The following MRTFA variants were observed in gnomAD, a reference collection of about 807,000 sequenced individuals.
MRTFA encodes the protein myocardin-related transcription factor A.
A neutral mutation model predicts 83.5 loss-of-function variants in MRTFA; 20 were observed. That is an observed-to-expected ratio of 0.24 (90% CI 0.17 to 0.35). MRTFA has a LOEUF of 0.35. MRTFA is among the 10% of genes least tolerant of loss of function. The pLI, the probability that MRTFA is intolerant of heterozygous loss-of-function variation, is 1.00. For synonymous variants in MRTFA, 659 were observed against 541.2 expected, an observed-to-expected ratio of 1.22 and a Z score of -3.02; for missense variants, 1,200 against 1,224.7, an observed-to-expected ratio of 0.98 and a Z score of 0.30.
chr22:40,502,889 G>C, intron 3 of MRTFA, among the ~76,000 whole-genome samples: 1 of 152,202 alleles, frequency 6.6e-6, no homozygotes, highest in Non-Finnish European at 1.5e-5. Context: ...GTCCTCTGTA[G>C]ATTAACTGTC....
At chr22:40,432,076 T>C (rs528920091) in intron 5 of MRTFA, among the ~76,000 whole-genome samples, 2 of 152,202 alleles carry the variant, frequency 1.3e-5, no homozygotes, top group East Asian at 1.9e-4. Flanking sequence ...TGAAACCCTG[T>C]CTCTACTAAA....
At chr22:40,465,243 CT>C (rs2053793547) in intron 3 of MRTFA, among the ~76,000 whole-genome samples, 1 of 152,124 alleles carries the variant, frequency 6.6e-6, no homozygotes, top group Non-Finnish European at 1.5e-5. Flanking sequence ...TTATAAGTTC[CT>C]GGAGAGAAGA....
chr22:40,482,014 C>G (rs1016589673), intron 3 of MRTFA, among the ~76,000 whole-genome samples: 1 of 149,990 alleles, frequency 6.7e-6, no homozygotes, highest in Non-Finnish European at 1.5e-5. Flanking sequence ...GAGCCGAGAT[C>G]GCACCACTGC....
rs750511313 is a variant in MRTFA, at chr22:40,419,225, C to T, written c.1513G>A (p.Glu505Lys). The stretch of plus-strand genomic sequence containing the variant: ...GCCGCTGGGAAGGCTACCACCACCT[C>T]GCCAGCCTTGTGCAGGATAGAGGTG... The change falls in exon 12 of 15, where the codon GAG becomes AAG. Residue 505 changes from glutamate (E) to lysine (K), a missense_variant. By Grantham distance (56) the Glu-to-Lys change is moderately conservative (BLOSUM62 1). Around this residue, in one of 2 missense-constraint regions of MRTFA, gnomAD observed 1,107 missense variants for 1,041.8 expected, o/e 1.06. Coordinates refer to ENST00000355630, the MANE Select transcript of MRTFA (RefSeq NM_020831.6). 12 of 1,605,436 alleles carry T rather than the reference C, an allele frequency of 7.5e-6. No homozygotes were observed. The highest frequency in any genetic ancestry group is 5.4e-5 in the African/African-American group (4 of 74,696).
chr22:40,533,861 C>T (rs1266399199), intron 3 of MRTFA: 1 of 365,546 alleles, frequency 2.7e-6, no homozygotes, highest in Admixed American at 4.6e-5. Context: ...AAAAGCTCTC[C>T]AGTTAAGACA....
chr22:40,507,972 CAAAAAAAA>C (rs11315930), intron 3 of MRTFA, among the ~76,000 whole-genome samples: 4 of 37,510 alleles, frequency 1.1e-4, no homozygotes, highest in Admixed American at 4.7e-4. Context: ...GACTCCACCT[CAAAAAAAA>C]AAAAAAAAAA....
intron 3 of MRTFA, among the ~76,000 whole-genome samples, chr22:40,497,520 C>A (rs943557509): frequency 1.3e-5 from 2 of 151,910 alleles, no homozygotes; most frequent in African/African-American, 2.4e-5. Context: ...TTTGGGAGGC[C>A]AAAACAGGTG....
At chr22:40,504,680 T>G (rs1357223488) in intron 3 of MRTFA, among the ~76,000 whole-genome samples, 1 of 152,222 alleles carries the variant, frequency 6.6e-6, no homozygotes, top group African/African-American at 2.4e-5. Context: ...CAGTTACTTA[T>G]GTAAGTGAGA....
intron 4 of MRTFA, among the ~76,000 whole-genome samples, chr22:40,443,151 C>T (rs909270478): frequency 6.6e-6 from 1 of 152,062 alleles, no homozygotes; most frequent in Non-Finnish European, 1.5e-5. Flanking sequence ...CCTCAGGAGG[C>T]TGAGGCAGGA....
intron 3 of MRTFA, among the ~76,000 whole-genome samples, chr22:40,489,270 A>T (rs1461268687): frequency 6.6e-6 from 1 of 152,164 alleles, no homozygotes; most frequent in East Asian, 1.9e-4. Context: ...TTTGAGGCAA[A>T]ATCTGTTTCT....
chr22:40,448,063 A>C (rs2053414998), intron 4 of MRTFA, among the ~76,000 whole-genome samples: 1 of 152,132 alleles, frequency 6.6e-6, no homozygotes, highest in South Asian at 2.1e-4. Context: ...TGTAATCCCA[A>C]CACTTTGGGA....
intron 3 of MRTFA, among the ~76,000 whole-genome samples, chr22:40,485,305 A>C (rs1327017051): frequency 6.6e-6 from 1 of 152,202 alleles, no homozygotes; most frequent in Non-Finnish European, 1.5e-5. Flanking sequence ...CAGAAAAATG[A>C]ATTTGATTTG....
intron 3 of MRTFA, among the ~76,000 whole-genome samples, chr22:40,502,052 C>G (rs1313072399): frequency 7.3e-6 from 1 of 136,898 alleles, no homozygotes; most frequent in African/African-American, 2.8e-5. Flanking sequence ...ACCTCCCTCC[C>G]GGACGGGGTG....
intron 2 of MRTFA, among the ~76,000 whole-genome samples, chr22:40,589,163 C>T (rs948224581): frequency 2.6e-5 from 4 of 151,992 alleles, no homozygotes; most frequent in Non-Finnish European, 5.9e-5. Context: ...ATCTAAATCT[C>T]CCCCCAAGAT....
chr22:40,535,366 C>T (rs12157315), intron 3 of MRTFA, among the ~76,000 whole-genome samples: 94,486 of 121,964 alleles, frequency 0.77, 34,904 homozygotes, highest in East Asian at 0.89. Context: ...TTTTTTTTTT[C>T]TTTTTGAGAC....
At chr22:40,577,807 T>A (rs1208975768) in intron 2 of MRTFA, among the ~76,000 whole-genome samples, 1 of 151,330 alleles carries the variant, frequency 6.6e-6, no homozygotes, top group Non-Finnish European at 1.5e-5. Context: ...GGTTTCTCCA[T>A]GTTGGTCAGG....
chr22:40,583,051 A>T (rs1417857943), intron 2 of MRTFA, among the ~76,000 whole-genome samples: 2 of 152,218 alleles, frequency 1.3e-5, no homozygotes, highest in Admixed American at 1.3e-4. Flanking sequence ...AGTCTTTAAC[A>T]AATGGAGCTA....
chr22:40,495,757 C>CAA (rs35652948), intron 3 of MRTFA, among the ~76,000 whole-genome samples: 11 of 70,610 alleles, frequency 1.6e-4, no homozygotes, highest in African/African-American at 2.7e-4. Flanking sequence ...GACTCCATCT[C>CAA]AAAAAAAAAA....
intron 1 of MRTFA, among the ~76,000 whole-genome samples, chr22:40,636,138 C>T (rs963345051): frequency 1.3e-5 from 2 of 152,214 alleles, no homozygotes; most frequent in African/African-American, 4.8e-5. Flanking sequence ...GCCGACACCC[C>T]GTCCCTGCAA....
Sources: gnomAD v4.1 joint callset for allele counts (sites outside exome capture counted in the v4.1 genomes callset) on GRCh38, gnomAD v4.1.1 for gene constraint, gnomAD v4.1.1 regional missense constraint, MANE v1.5 for transcripts, NCBI Gene and HGNC (gene_info 2026-07-23, HGNC 2026-07-21) for gene names.